Variants in USP8 observed in about 807,000 individuals in gnomAD.
USP8 encodes the protein ubiquitin carboxyl-terminal hydrolase 8.
Under a neutral mutation model 130.0 loss-of-function variants are expected in USP8, and 27 were observed. That is an observed-to-expected ratio of 0.21 (90% CI 0.15 to 0.29). The LOEUF (loss-of-function observed/expected upper bound fraction) is 0.29. Among genes scored for constraint, USP8 ranks in the 10% least tolerant of loss-of-function variants. USP8 has a pLI of 1.00. For synonymous variants in USP8, 392 were observed against 444.1 expected, an observed-to-expected ratio of 0.88 and a Z score of 1.48; for missense variants, 1,029 against 1,312.2, an observed-to-expected ratio of 0.78 and a Z score of 3.33.
intron 14 of USP8, 46 bp from the exon 15 acceptor site, chr15:50,492,655 A>G (rs929622898): frequency 6.3e-7 from 1 of 1,591,186 alleles, no homozygotes; most frequent in African/African-American, 1.3e-5. Context: ...CCTTAATTTC[A>G]TATGCTCAGC....
intron 1 of USP8, among the ~76,000 whole-genome samples, chr15:50,428,885 A>G (rs1555525023): frequency 1.3e-5 from 2 of 152,196 alleles, no homozygotes; most frequent in South Asian, 2.1e-4. Context: ...CTTTGAAGCC[A>G]TGATTAAGTA....
rs146622721 is a variant in USP8, at chr15:50,424,676, GA to G, written c.-66+165del. 3,623 of 395,354 alleles carry G rather than the reference GA, an allele frequency of 9.2e-3. 19 individuals are homozygous for G. The highest frequency in any genetic ancestry group is 0.013 in the Non-Finnish European group (2,959 of 224,514). The allele number at this position is 395,354 out of a possible 1,614,324, so 24.5% of individuals were successfully genotyped here. ...AAAGGTAGAATCAGCTTGTGGAGAG[GA>G]AAGGCCCAACCTTGAGTCTTTTACG... On this transcript the variant is annotated intron_variant, in intron 1 of 19. Coordinates refer to ENST00000307179, the MANE Select transcript of USP8 (RefSeq NM_005154.5).
At chr15:50,452,543 G>A (rs1351528847) in intron 4 of USP8, among the ~76,000 whole-genome samples, 1 of 152,200 alleles carries the variant, frequency 6.6e-6, no homozygotes, top group Non-Finnish European at 1.5e-5. Context: ...ATTGGATTTA[G>A]GCTGACTGTG....
chr15:50,490,149 C>T (rs1318075972), intron 13 of USP8, 114 bp from the exon 14 acceptor site: 18 of 1,180,790 alleles, frequency 1.5e-5, no homozygotes, highest in African/African-American at 3.1e-5. Flanking sequence ...CCATTTTATT[C>T]GAATTATTTT....
At position 50,493,342 on chromosome 15, in the gene USP8, C is replaced by A. The variant is rs1174142265; in HGVS notation, c.2447+429C>A. On this transcript the variant is annotated intron_variant, in intron 15 of 19. Coordinates refer to ENST00000307179, the MANE Select transcript of USP8 (RefSeq NM_005154.5). ...AAGTAAGCATTTTGGTGTAGGGCTA[C>A]AGTATGTGAATAATTTCATGTTGAC... 9.6e-6 allele frequency: 5 copies of A among 520,544 alleles called. No homozygotes were observed. The African/African-American group carries it at 9.6e-5, about 10-fold the overall frequency. The allele number at this position is 520,544 out of a possible 1,614,324, so 32.2% of individuals were successfully genotyped here.
At chr15:50,429,215 CATG>C (rs1218223098) in intron 1 of USP8, among the ~76,000 whole-genome samples, 1 of 151,368 alleles carries the variant, frequency 6.6e-6, no homozygotes, top group African/African-American at 2.4e-5. Context: ...TGTAAACCCA[CATG>C]TCTTTTTAAT....
At chr15:50,438,454 C>T (rs981899543) in intron 1 of USP8, among the ~76,000 whole-genome samples, 4 of 152,174 alleles carry the variant, frequency 2.6e-5, no homozygotes, top group South Asian at 2.1e-4. Context: ...GGCATGGTGG[C>T]GAACGCCTGG....
At chr15:50,438,924 T>G in intron 1 of USP8, 85 bp from the exon 2 acceptor site, 1 of 556,326 alleles carries the variant, frequency 1.8e-6, no homozygotes, top group Non-Finnish European at 3.1e-6. Context: ...GCAAAGGATA[T>G]GGTTTAGGAA....
At chr15:50,432,594 A>C (rs893722125) in intron 1 of USP8, 5 of 152,242 alleles carry the variant, frequency 3.3e-5, no homozygotes, top group African/African-American at 1.2e-4. Flanking sequence ...TGGTCATTGG[A>C]CCATACTTGG....
rs1320222586 is a variant in USP8, at chr15:50,499,670, G to A, written c.*582G>A. ...GCAATTTTTCTGTTGGCTTTGGGCT[G>A]TATTTGTGCACTAAATCTTTATTCT... On this transcript the variant is annotated 3_prime_UTR_variant, in exon 20 of 20. Coordinates refer to ENST00000307179, the MANE Select transcript of USP8 (RefSeq NM_005154.5). 1 of 151,424 alleles carries A rather than the reference G, an allele frequency of 6.6e-6. No individual in the cohort carries two copies. The highest frequency in any genetic ancestry group is 2.1e-4 in the South Asian group (1 of 4,820). 9.4% of individuals were successfully genotyped at this position (151,424 alleles called of 1,614,324 possible). A position where few individuals can be genotyped will look rare whatever the true frequency, so the allele number is the denominator to read the frequency against.
At chr15:50,436,603 G>A (rs2050099605) in intron 1 of USP8, among the ~76,000 whole-genome samples, 2 of 151,788 alleles carry the variant, frequency 1.3e-5, no homozygotes, top group Admixed American at 6.6e-5. Context: ...GTTCAAGTGA[G>A]TCTCCTACTT....
chr15:50,459,293 T>C (rs1009328037), intron 5 of USP8, 131 bp downstream of exon 5: 3 of 1,301,252 alleles, frequency 2.3e-6, no homozygotes, highest in Non-Finnish European at 3.1e-6. Context: ...TAATTAGAAA[T>C]TTATTTAAGG....
chr15:50,456,191 G>A (rs1052712184), intron 4 of USP8, among the ~76,000 whole-genome samples: 3 of 152,162 alleles, frequency 2.0e-5, no homozygotes, highest in African/African-American at 7.2e-5. Flanking sequence ...AAAGTAGAGT[G>A]TCGTGATCAC....
intron 10 of USP8, among the ~76,000 whole-genome samples, chr15:50,478,538 T>C (rs566144284): frequency 6.6e-6 from 1 of 152,332 alleles, no homozygotes; most frequent in Non-Finnish European, 1.5e-5. Flanking sequence ...TTTCTTCATT[T>C]TTTTAAGGTC....
intron 15 of USP8, chr15:50,493,126 G>A (rs745674340): frequency 1.6e-6 from 1 of 638,220 alleles, no homozygotes; most frequent in South Asian, 1.5e-5. Context: ...CATCCTCACA[G>A]GGTAGAAGGT....
intron 18 of USP8, 89 bp downstream of exon 18, chr15:50,497,320 C>G: frequency 6.9e-7 from 1 of 1,458,598 alleles, no homozygotes; most frequent in African/African-American, 1.4e-5. Context: ...TACTGCCTGC[C>G]ATGGGCACAT....
chr15:50,496,030 G>A lies in USP8; in HGVS notation c.2841G>A (p.Glu947=), dbSNP rs1297156772. 3 of 1,613,782 alleles carry A rather than the reference G, an allele frequency of 1.9e-6. No homozygotes were observed. The highest frequency in any genetic ancestry group is 2.5e-6 in the Non-Finnish European group (3 of 1,179,998). Residue 947 remains glutamate (E), a synonymous_variant, in exon 17 of 20, where the codon GAG becomes GAA. Coordinates refer to ENST00000307179, the MANE Select transcript of USP8 (RefSeq NM_005154.5). ...GTCACAAAAAGTCTAGGACATTTGA[G>A]GCCTTCATGTATTTGTCTCTACCAC... ...LTCHKKSRTF[E]AFMYLSLPLA... is the part of the protein sequence containing the mutation.
chr15:50,476,193 G>T (rs980252322), intron 8 of USP8, among the ~76,000 whole-genome samples: 1 of 152,190 alleles, frequency 6.6e-6, no homozygotes, highest in Non-Finnish European at 1.5e-5. Flanking sequence ...AGCACTTTGG[G>T]CTGAGCCAGG....
chr15:50,495,274 ATATATACACATACATATATACATATATAC>A, intron 16 of USP8, among the ~76,000 whole-genome samples: 1 of 50,370 alleles, frequency 2.0e-5, no homozygotes, highest in African/African-American at 5.8e-5. Context: ...ATATACACAT[ATATATACACATACATATATACATATATAC>A]GTGTATATAT....
Sources: gnomAD v4.1 joint callset for allele counts (sites outside exome capture counted in the v4.1 genomes callset) on GRCh38, gnomAD v4.1.1 for gene constraint, MANE v1.5 for transcripts, NCBI Gene and HGNC (gene_info 2026-07-23, HGNC 2026-07-21) for gene names.